Variants in MB21D2 observed in about 807,000 individuals in gnomAD.
MB21D2 encodes Mab-21 domain containing 2, also known as nucleotidyltransferase MB21D2.
Under a neutral mutation model 33.3 loss-of-function variants are expected in MB21D2, and 9 were observed. The observed-to-expected ratio is 0.27, with a 90% confidence interval of 0.16 to 0.47. The LOEUF is 0.47. Ranked by LOEUF, MB21D2 falls within the 20% of genes least tolerant of loss-of-function variation. MB21D2 has a pLI of 0.99. For synonymous variants in MB21D2, 241 were observed against 236.3 expected (o/e 1.02, Z -0.18); for missense variants, 540 against 624.6 (o/e 0.86, Z 1.44).
chr3:192,909,649 G>A (rs1281359312), intron 1 of MB21D2, among the ~76,000 whole-genome samples: 2 of 152,014 alleles, frequency 1.3e-5, no homozygotes, highest in African/African-American at 4.8e-5. Context: ...GAAGAGCCTC[G>A]GCCAGACACG....
rs375543604 is a variant in MB21D2, at chr3:192,798,678, A to G, written c.1184T>C (p.Leu395Pro). 6.2e-7 allele frequency: 1 copy of G among 1,613,276 alleles called. No individual in the cohort carries two copies. The highest frequency in any genetic ancestry group is 1.3e-5 in the African/African-American group (1 of 74,932). The change falls in exon 2 of 2, where the codon CTT (leucine) becomes CCT (proline). Residue 395 changes from leucine to proline, a missense_variant. By Grantham distance (98) the Leu-to-Pro change is moderately conservative (BLOSUM62 -3). Coordinates refer to ENST00000392452, the MANE Select transcript of MB21D2 (RefSeq NM_178496.4). The surrounding 1 kb of genome is among the most constrained non-coding windows in gnomAD (Gnocchi z 4.8). ...CACAGAGGACAGCTTCCGGGCGTGA[A>G]GCATGACTGTCTCCTCAGACAGATG... ...LEHLSEETVM[L>P]HARKLSSVRS...
intron 1 of MB21D2, among the ~76,000 whole-genome samples, chr3:192,861,777 C>A (rs1713048575): frequency 6.6e-6 from 1 of 152,134 alleles, no homozygotes; most frequent in Non-Finnish European, 1.5e-5. Context: ...TGCACTCCAG[C>A]CTGGGCAACA....
At position 192,841,212 on chromosome 3, in the gene MB21D2, C is replaced by T. The variant is rs550698936; in HGVS notation, c.212-41562G>A. On this transcript the variant is annotated intron_variant, in intron 1 of 1. Transcript: ENST00000392452. ...GACCAGCCTGCAAACTTAAACAGTG[C>T]CAGGCTAGCTGGCAAAACAGAACAC... 2.0e-5 allele frequency among the ~76,000 whole-genome samples: 3 copies of T among 152,354 alleles called. No individual in the cohort carries two copies. The South Asian group carries it at 6.2e-4, about 32-fold the overall frequency.
intron 1 of MB21D2, among the ~76,000 whole-genome samples, chr3:192,911,149 T>C (rs1302365375): frequency 6.6e-6 from 1 of 152,162 alleles, no homozygotes; most frequent in Non-Finnish European, 1.5e-5. Context: ...TTTGTATTCA[T>C]CCTGACCCAG....
At chr3:192,914,249 G>C (rs1003518952) in intron 1 of MB21D2, among the ~76,000 whole-genome samples, 2 of 152,142 alleles carry the variant, frequency 1.3e-5, no homozygotes, top group African/African-American at 4.8e-5. Flanking sequence ...TATGTAATGG[G>C]AAAGCAATAC....
intron 1 of MB21D2, among the ~76,000 whole-genome samples, chr3:192,876,995 A>C (rs1713445374): frequency 6.6e-6 from 1 of 152,190 alleles, no homozygotes; most frequent in Admixed American, 6.5e-5. Flanking sequence ...AGATTCTAGA[A>C]CAGCGCCTGA....
chr3:192,825,673 T>A (rs1712159045), intron 1 of MB21D2, among the ~76,000 whole-genome samples: 1 of 152,226 alleles, frequency 6.6e-6, no homozygotes, highest in African/African-American at 2.4e-5. Flanking sequence ...CAAGTCTACA[T>A]CTTCCAGGCT....
rs1197286467 is a variant in MB21D2, at chr3:192,848,937, C to T, written c.212-49287G>A. On this transcript the variant is annotated intron_variant, in intron 1 of 1. Coordinates refer to ENST00000392452, the MANE Select transcript of MB21D2 (RefSeq NM_178496.4). ...AAGAAAACAAATGAATTCAGAGGGCCCCTGGGAACTTGACAGCGTAACCCT... is the reference window on the plus strand; with the variant it reads ...AAGAAAACAAATGAATTCAGAGGGCTCCTGGGAACTTGACAGCGTAACCCT... 3.3e-5 allele frequency among the ~76,000 whole-genome samples: 5 copies of T among 152,084 alleles called. No homozygotes were observed. In the East Asian group the frequency reaches 7.7e-4, roughly 23 times the overall value.
intron 1 of MB21D2, among the ~76,000 whole-genome samples, chr3:192,857,407 C>T (rs1387110193): frequency 6.6e-6 from 1 of 152,156 alleles, no homozygotes. Flanking sequence ...TCAAAGTCAG[C>T]CAGAATTCAT....
intron 1 of MB21D2, among the ~76,000 whole-genome samples, chr3:192,807,095 CAT>C (rs533629886): frequency 1.2e-4 from 19 of 152,298 alleles, no homozygotes; most frequent in African/African-American, 4.6e-4. Flanking sequence ...CATGCATACA[CAT>C]ATCGATATAT....
intron 1 of MB21D2, among the ~76,000 whole-genome samples, chr3:192,833,356 A>G: frequency 6.6e-6 from 1 of 152,228 alleles, no homozygotes; most frequent in East Asian, 1.9e-4. Flanking sequence ...TGTACAACAT[A>G]ATTTTCTGAC....
chr3:192,843,967 T>C (rs1488820512), intron 1 of MB21D2, among the ~76,000 whole-genome samples: 1 of 152,164 alleles, frequency 6.6e-6, no homozygotes, highest in Admixed American at 6.5e-5. Context: ...CCAGAGCACC[T>C]GTCCTCCCAG....
chr3:192,890,615 GT>G (rs1404355960), intron 1 of MB21D2, among the ~76,000 whole-genome samples: 1 of 151,030 alleles, frequency 6.6e-6, no homozygotes, highest in Non-Finnish European at 1.5e-5. Flanking sequence ...TACCTATAAA[GT>G]TCACAGTTGG....
intron 1 of MB21D2, among the ~76,000 whole-genome samples, chr3:192,895,729 GT>G (rs5855465): frequency 0.59 from 90,094 of 151,672 alleles, 27,058 homozygotes; most frequent in African/African-American, 0.64. Flanking sequence ...GGTTTTTGGG[GT>G]TTTTTTTTGT....
In MB21D2 at chr3:192,882,757, G is replaced by A. The variant is rs115733836; in HGVS notation, c.211+34873C>T. 1.3e-3 allele frequency among the ~76,000 whole-genome samples: 200 copies of A among 148,786 alleles called. 3 individuals carry two copies. The highest frequency in any genetic ancestry group is 4.9e-3 in the African/African-American group (194 of 39,756). The stretch of plus-strand genomic sequence containing the variant: ...AGTTTCCTTTTTTTTTCTTTGAGAC[G>A]GAGTTTCACTTTTGTCACCCAGGAT... On this transcript the variant is annotated intron_variant, in intron 1 of 1. Coordinates refer to ENST00000392452, the MANE Select transcript of MB21D2 (RefSeq NM_178496.4).
chr3:192,895,835 C>T (rs149217527), intron 1 of MB21D2, among the ~76,000 whole-genome samples: 13 of 152,212 alleles, frequency 8.5e-5, no homozygotes, highest in Admixed American at 5.9e-4. Context: ...CAGCCTCAAG[C>T]AATCCTCCCA....
chr3:192,916,392 C>T (rs953705574), intron 1 of MB21D2, among the ~76,000 whole-genome samples: 5 of 152,138 alleles, frequency 3.3e-5, no homozygotes, highest in African/African-American at 4.8e-5. Context: ...CAACAGCCGG[C>T]TGAAACCCAA....
intron 1 of MB21D2, among the ~76,000 whole-genome samples, chr3:192,850,605 C>T (rs140982069): frequency 1.3e-3 from 198 of 152,334 alleles, no homozygotes; most frequent in African/African-American, 4.4e-3. Flanking sequence ...GATACACATA[C>T]ACGTCTGAAA....
intron 1 of MB21D2, among the ~76,000 whole-genome samples, chr3:192,827,866 T>C (rs1262483504): frequency 6.6e-6 from 1 of 152,076 alleles, no homozygotes; most frequent in Non-Finnish European, 1.5e-5. Context: ...CCCACCCAAA[T>C]CTCATCTTGA....
Sources: gnomAD v4.1 joint callset for allele counts (sites outside exome capture counted in the v4.1 genomes callset) on GRCh38, gnomAD v4.1.1 for gene constraint, Gnocchi (gnomAD v3.1) non-coding constraint, MANE v1.5 for transcripts, NCBI Gene and HGNC (gene_info 2026-07-23, HGNC 2026-07-21) for gene names.